Variants in NUMB observed in about 807,000 individuals in gnomAD.
NUMB encodes NUMB endocytic adaptor protein, also known as protein numb homolog.
In NUMB, 29 loss-of-function variants were observed where a neutral mutation model predicts 59.7. That is an observed-to-expected ratio of 0.49 (90% CI 0.36 to 0.66). The LOEUF (loss-of-function observed/expected upper bound fraction) is 0.66, where lower values mean the gene tolerates loss of function less well. NUMB is among the 30% of genes least tolerant of loss of function. The pLI is 0.00. For synonymous variants in NUMB, 288 were observed against 288.2 expected, an observed-to-expected ratio of 1.00 and a Z score of 0.01; for missense variants, 723 against 822.0, an observed-to-expected ratio of 0.88 and a Z score of 1.47.
At chr14:73,344,370 A>G (rs1892799130) in intron 4 of NUMB, among the ~76,000 whole-genome samples, 1 of 152,218 alleles carries the variant, frequency 6.6e-6, no homozygotes, top group Admixed American at 6.5e-5. Flanking sequence ...TGCTATGGCT[A>G]CATGGCTACA....
chr14:73,278,125 G>A lies in NUMB; in HGVS notation c.1241-832C>T, dbSNP rs117142833. ...AGGCAATTCATCTTCTGCTCTAACA[G>A]AGCAAAAAGAAAATAACCAGTGACC... On this transcript the variant is annotated intron_variant, in intron 12 of 12. Transcript: ENST00000555238. Among the ~76,000 whole-genome samples, 701 of 149,322 alleles carry A rather than the reference G, an allele frequency of 4.7e-3. 4 individuals are homozygous for A. The highest frequency in any genetic ancestry group is 0.03 in the South Asian group (144 of 4,730).
chr14:73,413,479 G>A (rs8003147), intron 1 of NUMB, among the ~76,000 whole-genome samples: 2 of 151,380 alleles, frequency 1.3e-5, no homozygotes, highest in South Asian at 2.1e-4. Flanking sequence ...AAAATAAGGC[G>A]GGGCATGGTG....
intron 2 of NUMB, among the ~76,000 whole-genome samples, chr14:73,403,737 C>T (rs1453512721): frequency 6.6e-6 from 1 of 152,022 alleles, no homozygotes; most frequent in Non-Finnish European, 1.5e-5. Flanking sequence ...AGGCAAATCA[C>T]TTGAGGCCAG....
intron 12 of NUMB, among the ~76,000 whole-genome samples, chr14:73,277,560 G>A (rs1888262046): frequency 6.6e-6 from 1 of 152,172 alleles, no homozygotes; most frequent in African/African-American, 2.4e-5. Flanking sequence ...CACGGCAGCT[G>A]ACTGATGTCA....
chr14:73,317,413 T>C (rs1185147763), intron 5 of NUMB, among the ~76,000 whole-genome samples: 2 of 152,208 alleles, frequency 1.3e-5, no homozygotes, highest in African/African-American at 4.8e-5. Context: ...GCAATGCTCA[T>C]GCCTCGGCCT....
At chr14:73,357,344 A>G (rs942855532) in intron 3 of NUMB, among the ~76,000 whole-genome samples, 20 of 150,984 alleles carry the variant, frequency 1.3e-4, no homozygotes, top group Non-Finnish European at 2.8e-4. Flanking sequence ...CAGAGGCTGC[A>G]GTGAGCCAAG....
chr14:73,335,302 C>CAAAAA (rs10556271), intron 4 of NUMB, among the ~76,000 whole-genome samples: 11 of 100,222 alleles, frequency 1.1e-4, no homozygotes, highest in East Asian at 5.9e-4. Flanking sequence ...GCCAAAAAGA[C>CAAAAA]AAAAAAAAAA....
intron 1 of NUMB, among the ~76,000 whole-genome samples, chr14:73,438,047 T>A (rs1898130771): frequency 6.6e-6 from 1 of 152,232 alleles, no homozygotes; most frequent in Admixed American, 6.5e-5. Flanking sequence ...AAGCTGTATA[T>A]CTCAATCTCA....
chr14:73,426,100 G>A (rs995005380), intron 1 of NUMB, among the ~76,000 whole-genome samples: 1 of 151,992 alleles, frequency 6.6e-6, no homozygotes. Context: ...ATGAGCCACC[G>A]TGCCCAGCCT....
At chr14:73,374,071 T>C (rs1894831861) in intron 2 of NUMB, among the ~76,000 whole-genome samples, 1 of 152,174 alleles carries the variant, frequency 6.6e-6, no homozygotes, top group South Asian at 2.1e-4. Flanking sequence ...GTTTCACCAT[T>C]GTTGGTCAGG....
In NUMB at chr14:73,344,022, T is replaced by C. The variant is rs903420723; in HGVS notation, c.126+11604A>G. ...CTTTAATATCTTATGGTATTTCTTCTACATGAATTGTTCTATCTATATTTT... is the reference window on the plus strand; with the variant it reads ...CTTTAATATCTTATGGTATTTCTTCCACATGAATTGTTCTATCTATATTTT... On this transcript the variant is annotated intron_variant, in intron 4 of 12. Coordinates refer to ENST00000555238, the MANE Select transcript of NUMB (RefSeq NM_001005743.2). 3.3e-5 allele frequency among the ~76,000 whole-genome samples: 5 copies of C among 152,222 alleles called. No homozygotes were observed. In the East Asian group the frequency reaches 9.6e-4, roughly 29 times the overall value.
At position 73,450,698 on chromosome 14, in the gene NUMB, A is replaced by C. The variant is rs1883861290; in HGVS notation, c.-233+7795T>G. On this transcript the variant is annotated intron_variant, in intron 1 of 12. Transcript: ENST00000555238. ...TAATCCCAGCTACTCGGAAGGCAGGATAATCGCTTGAACCTGATAGGCGGA... is the reference window on the plus strand; with the variant it reads ...TAATCCCAGCTACTCGGAAGGCAGGCTAATCGCTTGAACCTGATAGGCGGA... Among the ~76,000 whole-genome samples, 3 of 152,044 alleles carry C rather than the reference A, an allele frequency of 2.0e-5. No homozygotes were observed. The South Asian group carries it at 6.2e-4, about 32-fold the overall frequency.
At chr14:73,453,378 C>T (rs1298264010) in intron 1 of NUMB, among the ~76,000 whole-genome samples, 3 of 151,946 alleles carry the variant, frequency 2.0e-5, no homozygotes, top group Non-Finnish European at 2.9e-5. Context: ...GTGATCCACC[C>T]GCCTCAGCCT....
At chr14:73,450,960 T>C (rs1883893107) in intron 1 of NUMB, among the ~76,000 whole-genome samples, 1 of 151,876 alleles carries the variant, frequency 6.6e-6, no homozygotes, top group African/African-American at 2.4e-5. Flanking sequence ...AAGACTAGCC[T>C]GAGCAACACG....
At chr14:73,370,133 G>A (rs988756085) in intron 2 of NUMB, among the ~76,000 whole-genome samples, 9 of 151,908 alleles carry the variant, frequency 5.9e-5, no homozygotes, top group African/African-American at 1.9e-4. Flanking sequence ...AGTGGGGGGG[G>A]TGGGACCATT....
chr14:73,386,930 G>C (rs922887445), intron 2 of NUMB, among the ~76,000 whole-genome samples: 1 of 131,626 alleles, frequency 7.6e-6, no homozygotes, highest in Middle Eastern at 4.6e-3. Flanking sequence ...GCCCAGGCTG[G>C]AGTGCAGTGG....
chr14:73,378,224 G>A (rs1026820776), intron 2 of NUMB, among the ~76,000 whole-genome samples: 49 of 152,132 alleles, frequency 3.2e-4, no homozygotes, highest in African/African-American at 1.2e-3. Context: ...CCACTAGAAT[G>A]GTCAAAATCC....
rs533499713 is a variant in NUMB, at chr14:73,435,482, G to A, written c.-233+23011C>T. On this transcript the variant is annotated intron_variant, in intron 1 of 12. Transcript: ENST00000555238. The stretch of plus-strand genomic sequence containing the variant: ...GTACAGACGGGGTTTAACCGTGTTC[G>A]CCAGGATGGTCTCGATCTCCTGACC... Among the ~76,000 whole-genome samples the A allele has an allele frequency of 4.6e-5, 7 of 151,134 alleles. No homozygotes were observed. The South Asian group carries it at 8.4e-4, about 18-fold the overall frequency.
chr14:73,292,991 G>C (rs1889495995), intron 7 of NUMB, 117 bp from the exon 8 acceptor site: 2 of 992,950 alleles, frequency 2.0e-6, no homozygotes, highest in African/African-American at 1.6e-5. Flanking sequence ...CTAGGCTATG[G>C]AATACCTAGA....
Sources: allele counts gnomAD v4.1 joint callset (sites outside exome capture counted in the v4.1 genomes callset), GRCh38; gene constraint gnomAD v4.1.1; transcripts MANE v1.5; gene names NCBI Gene and HGNC (gene_info 2026-07-23, HGNC 2026-07-21).